The following CORIN variants were observed in gnomAD, a reference collection of about 807,000 sequenced individuals.
CORIN encodes the protein atrial natriuretic peptide-converting enzyme.
A neutral mutation model predicts 125.3 loss-of-function variants in CORIN; 117 were observed. The observed-to-expected ratio is 0.93, with a 90% CI of 0.80 to 1.09. CORIN has a LOEUF of 1.09. Among genes scored for constraint, CORIN ranks in the 50% least tolerant of loss-of-function variants. The pLI, the probability that CORIN is intolerant of heterozygous loss-of-function variation, is 0.00. For synonymous variants in CORIN, 450 were observed against 466.4 expected, an observed-to-expected ratio of 0.96 and a Z score of 0.45; for missense variants, 1,253 against 1,306.7, an observed-to-expected ratio of 0.96 and a Z score of 0.63.
chr4:47,825,696 GCTTT>G (rs1332717755), intron 1 of CORIN, among the ~76,000 whole-genome samples: 3 of 143,788 alleles, frequency 2.1e-5, no homozygotes, highest in Non-Finnish European at 4.5e-5. Flanking sequence ...TCAAACCACT[GCTTT>G]TTTTTTTTTT....
intron 1 of CORIN, among the ~76,000 whole-genome samples, chr4:47,818,848 A>G (rs976635196): frequency 1.3e-5 from 2 of 151,320 alleles, no homozygotes; most frequent in Non-Finnish European, 2.9e-5. Flanking sequence ...ACTCCAGCCT[A>G]AGTGACAGAG....
intron 3 of CORIN, among the ~76,000 whole-genome samples, chr4:47,774,480 T>C (rs953473896): frequency 6.6e-6 from 1 of 152,138 alleles, no homozygotes; most frequent in African/African-American, 2.4e-5. Flanking sequence ...ATAGTAGATA[T>C]ATAATTCTGA....
At chr4:47,768,042 C>T (rs1238916587) in intron 3 of CORIN, among the ~76,000 whole-genome samples, 1 of 152,162 alleles carries the variant, frequency 6.6e-6, no homozygotes, top group Non-Finnish European at 1.5e-5. Context: ...CTGTTCTTGC[C>T]TTAACTGATG....
intron 10 of CORIN, among the ~76,000 whole-genome samples, chr4:47,666,491 T>C (rs1724489050): frequency 6.6e-6 from 1 of 152,150 alleles, no homozygotes; most frequent in Non-Finnish European, 1.5e-5. Context: ...CTGGTAGCTG[T>C]AGTAGAATGT....
At chr4:47,771,155 G>A (rs1231758553) in intron 3 of CORIN, among the ~76,000 whole-genome samples, 2 of 152,054 alleles carry the variant, frequency 1.3e-5, no homozygotes, top group Non-Finnish European at 2.9e-5. Context: ...AATGGGTTAT[G>A]AGCCCTCACA....
At chr4:47,780,913 T>A (rs184855407) in intron 3 of CORIN, among the ~76,000 whole-genome samples, 7 of 150,258 alleles carry the variant, frequency 4.7e-5, no homozygotes, top group Admixed American at 1.3e-4. Context: ...CTTTGAGATT[T>A]TATATATATA....
rs545693598 is a variant in CORIN at position 47,753,217 on chromosome 4, A to G, written c.618-8634T>C. The stretch of plus-strand genomic sequence containing the variant: ...CTTTAAAAGGGGTGGGGGTGTACGA[A>G]CAAGGAATAGGTCACAAAGATCACA... On this transcript the variant is annotated intron_variant, in intron 4 of 21. Transcript: ENST00000273857. 3.3e-5 allele frequency among the ~76,000 whole-genome samples: 5 copies of G among 152,308 alleles called. No individual in the cohort carries two copies. In the South Asian group the frequency reaches 1.0e-3, roughly 32 times the overall value.
At position 47,603,550 on chromosome 4, in the gene CORIN, C is replaced by T. The variant is rs554132356; in HGVS notation, c.2659G>A (p.Ala887Thr). The change falls in exon 20 of 22, where the codon GCA becomes ACA. Residue 887 changes from alanine (A) to threonine (T), a missense_variant. Coordinates refer to ENST00000273857, the MANE Select transcript of CORIN (RefSeq NM_006587.4). ...TIILHPRYSR[A>T]VVDYDISIVE... is the part of the protein sequence containing the mutation. Reference sequence around the variant, plus strand: ...ATGCTGATGTCATAGTCCACCACTGCTCGACTGTAGCGGGGATGCAGGATG... The same window carrying T: ...ATGCTGATGTCATAGTCCACCACTGTTCGACTGTAGCGGGGATGCAGGATG... 2.5e-6 allele frequency: 4 copies of T among 1,614,212 alleles called. No homozygotes were observed. The East Asian group carries it at 6.7e-5, about 27-fold the overall frequency.
intron 13 of CORIN, chr4:47,652,550 T>C (rs1044170383): frequency 2.0e-5 from 3 of 152,340 alleles, no homozygotes; most frequent in African/African-American, 7.2e-5. Flanking sequence ...TCAAAAACAC[T>C]GTTTATTAAA....
At chr4:47,753,983 T>A (rs1729024973) in intron 4 of CORIN, among the ~76,000 whole-genome samples, 1 of 152,182 alleles carries the variant, frequency 6.6e-6, no homozygotes, top group African/African-American at 2.4e-5. Context: ...GTCCCTCCAT[T>A]CAGGGTCCCT....
At chr4:47,704,620 G>A (rs553518694) in intron 5 of CORIN, among the ~76,000 whole-genome samples, 3 of 152,236 alleles carry the variant, frequency 2.0e-5, no homozygotes, top group South Asian at 4.2e-4. Context: ...AAGAGGGAAC[G>A]CATTGAGCAG....
intron 12 of CORIN, among the ~76,000 whole-genome samples, chr4:47,654,459 C>T (rs1349933938): frequency 1.3e-5 from 2 of 152,168 alleles, no homozygotes; most frequent in East Asian, 3.9e-4. Flanking sequence ...TCACCAACAC[C>T]ACCCCTCCCC....
chr4:47,701,234 A>C (rs1389912688), intron 5 of CORIN, among the ~76,000 whole-genome samples: 1 of 152,226 alleles, frequency 6.6e-6, no homozygotes, highest in Non-Finnish European at 1.5e-5. Flanking sequence ...TCTTTCATTC[A>C]ACGTCCCTTG....
Position 47,757,109 on chromosome 4 carries a change from T to C in CORIN, c.617+6270A>G, listed in dbSNP as rs1194784117. On this transcript the variant is annotated intron_variant, in intron 4 of 21. Coordinates refer to ENST00000273857, the MANE Select transcript of CORIN (RefSeq NM_006587.4). ...TCATTATTTGGTTAGCAGGGGAAAT[T>C]AGTATGATGAATGATCCAAAATAAT... Among the ~76,000 whole-genome samples, 4 of 152,254 alleles carry C rather than the reference T, an allele frequency of 2.6e-5. No individual in the cohort carries two copies. The East Asian group carries it at 5.8e-4, about 22-fold the overall frequency.
chr4:47,776,396 T>C (rs1351205137), intron 3 of CORIN, among the ~76,000 whole-genome samples: 1 of 152,134 alleles, frequency 6.6e-6, no homozygotes, highest in Non-Finnish European at 1.5e-5. Context: ...AGTTGCTGCG[T>C]GTGGTATGAG....
At chr4:47,742,885 G>A (rs1244267271) in intron 5 of CORIN, among the ~76,000 whole-genome samples, 1 of 152,072 alleles carries the variant, frequency 6.6e-6, no homozygotes, top group Non-Finnish European at 1.5e-5. Flanking sequence ...GTGTGGTATT[G>A]TCTTAATTCT....
intron 20 of CORIN, among the ~76,000 whole-genome samples, chr4:47,602,392 T>C (rs1721482327): frequency 1.3e-5 from 2 of 152,238 alleles, no homozygotes; most frequent in Non-Finnish European, 2.9e-5. Context: ...TCTATGTGTT[T>C]TATATGTTAA....
chr4:47,777,442 C>G (rs1042233518), intron 3 of CORIN, among the ~76,000 whole-genome samples: 3 of 152,094 alleles, frequency 2.0e-5, no homozygotes, highest in African/African-American at 7.2e-5. Context: ...ACCAGCCTAG[C>G]CAATATGGTG....
chr4:47,738,658 T>C (rs1418667606), intron 5 of CORIN, among the ~76,000 whole-genome samples: 3 of 152,054 alleles, frequency 2.0e-5, no homozygotes, highest in Non-Finnish European at 2.9e-5. Context: ...AATTACAAGA[T>C]GTCCAAAGAG....
Sources: allele counts gnomAD v4.1 joint callset (sites outside exome capture counted in the v4.1 genomes callset), GRCh38; gene constraint gnomAD v4.1.1; transcripts MANE v1.5; gene names NCBI Gene and HGNC (gene_info 2026-07-23, HGNC 2026-07-21).